The following EHMT1 variants were observed in gnomAD, a reference collection of about 807,000 sequenced individuals.
EHMT1 encodes the protein histone-lysine N-methyltransferase EHMT1.
Under a neutral mutation model 147.2 loss-of-function variants are expected in EHMT1, and 15 were observed. The ratio of observed to expected loss-of-function variants is 0.10; its 90% CI spans 0.07 to 0.16. The LOEUF is 0.16. Among genes scored for constraint, EHMT1 ranks in the 10% least tolerant of loss-of-function variants. EHMT1 has a pLI of 1.00. For synonymous variants in EHMT1, 795 were observed against 709.6 expected, an observed-to-expected ratio of 1.12 and a Z score of -1.91; for missense variants, 1,587 against 1,772.4, an observed-to-expected ratio of 0.90 and a Z score of 1.88.
At chr9:137,802,776 C>T (rs1441479706) in intron 18 of EHMT1, 3 of 1,225,980 alleles carry the variant, frequency 2.4e-6, no homozygotes, top group African/African-American at 3.1e-5. Context: ...AGTGCCTCCT[C>T]CGTGGGCTGC....
chr9:137,637,594 A>C (rs566090765), intron 1 of EHMT1: 15 of 151,244 alleles, frequency 9.9e-5, no homozygotes, highest in Non-Finnish European at 1.5e-4. Flanking sequence ...TGATCCTCCT[A>C]CTTCAGCCTC....
intron 7 of EHMT1, among the ~76,000 whole-genome samples, chr9:137,752,633 C>T (rs1324425605): frequency 6.6e-6 from 1 of 152,196 alleles, no homozygotes; most frequent in Non-Finnish European, 1.5e-5. Context: ...CACGGGGCTG[C>T]CCCAGCTGCG....
chr9:137,652,893 C>T (rs1376141166), intron 1 of EHMT1, among the ~76,000 whole-genome samples: 1 of 151,306 alleles, frequency 6.6e-6, no homozygotes, highest in Non-Finnish European at 1.5e-5. Context: ...ACCTGGCTAA[C>T]TTTTCTGTAT....
chr9:137,650,730 G>C (rs935545628), intron 1 of EHMT1: 1 of 146,860 alleles, frequency 6.8e-6, no homozygotes, highest in Non-Finnish European at 1.5e-5. Flanking sequence ...GCAGTGGGGT[G>C]ATCACAACTC....
intron 7 of EHMT1, 107 bp from the exon 8 acceptor site, chr9:137,754,064 C>A: frequency 6.4e-7 from 1 of 1,567,008 alleles, no homozygotes; most frequent in Non-Finnish European, 8.8e-7. Flanking sequence ...AATTGAAGAT[C>A]AAGACATAGC....
chr9:137,725,112 G>A (rs550493979), intron 3 of EHMT1, among the ~76,000 whole-genome samples: 55 of 146,488 alleles, frequency 3.8e-4, no homozygotes, highest in Non-Finnish European at 5.8e-4. Context: ...TGGGGCAGGC[G>A]TGTGGCATTC....
Position 137,779,754 on chromosome 9 carries a change from G to A in EHMT1, c.2275+37G>A, listed in dbSNP as rs762156489. 11 of 1,608,424 alleles carry A rather than the reference G, an allele frequency of 6.8e-6. No homozygotes were observed. The East Asian group carries it at 2.5e-4, about 36-fold the overall frequency. ...CCTGCGGCCCGGGCACATGCAGCCGGCCCTGTGGCACTGAAAGAAGCCGAG... is the reference window on the plus strand; with the variant it reads ...CCTGCGGCCCGGGCACATGCAGCCGACCCTGTGGCACTGAAAGAAGCCGAG... On this transcript the variant is annotated intron_variant, in intron 14 of 26. Transcript: ENST00000460843.
chr9:137,711,019 T>C lies in EHMT1; in HGVS notation c.74T>C (p.Leu25Pro). ...CAGGATTGCTGTGTGAAAACCGAGC[T>C]GCTGGGAGAAGGTGAGGGCGGTGTG... ...PQQDCCVKTELLGEETPMAAD... is the reference protein window; with the variant it reads ...PQQDCCVKTEPLGEETPMAAD... Residue 25 changes from leucine to proline, a missense_variant, in exon 2 of 27, where the codon CTG becomes CCG. Around this residue, in one of 7 missense-constraint regions of EHMT1, gnomAD observed 810 missense variants for 673.0 expected, o/e 1.20. Coordinates refer to ENST00000460843, the MANE Select transcript of EHMT1 (RefSeq NM_024757.5). 1 of 1,594,378 alleles carries C rather than the reference T, an allele frequency of 6.3e-7. No homozygotes were observed. Among genetic ancestry groups the C allele is most frequent in the Non-Finnish European group, 8.5e-7 (1 of 1,171,064 alleles).
In EHMT1 at chr9:137,812,991, C is replaced by A; in HGVS notation, c.2868-15C>A. 1 of 1,613,954 alleles carries A rather than the reference C, an allele frequency of 6.2e-7. No homozygotes were observed. Among genetic ancestry groups the A allele is most frequent in the Non-Finnish European group, 8.5e-7 (1 of 1,180,014 alleles). ...CAGCTTTAAATGTTTTGTGGCCTTA[C>A]ATTTTCCCTTTTAGCCTCTTTCTTT... On this transcript the variant is annotated splice_polypyrimidine_tract_variant and intron_variant, in intron 19 of 26. Coordinates refer to ENST00000460843, the MANE Select transcript of EHMT1 (RefSeq NM_024757.5).
chr9:137,632,872 C>G (rs1403784621), intron 1 of EHMT1, among the ~76,000 whole-genome samples: 2 of 152,234 alleles, frequency 1.3e-5, no homozygotes, highest in East Asian at 1.9e-4. Context: ...GCTAATGATT[C>G]TCGTCCTTGC....
In EHMT1 at chr9:137,820,979, G is replaced by A. The variant is rs368083251; in HGVS notation, c.3540+2841G>A. On this transcript the variant is annotated intron_variant, in intron 25 of 26. Coordinates refer to ENST00000460843, the MANE Select transcript of EHMT1 (RefSeq NM_024757.5). ...TGCAAGCTCCGCCTCCCAGGTTCAC[G>A]CCATTCTCCTGTCTCAGCCTCCCGA... Among the ~76,000 whole-genome samples the A allele has an allele frequency of 7.2e-5, 11 of 152,358 alleles. No individual in the cohort carries two copies. In the East Asian group the frequency reaches 7.7e-4, roughly 11 times the overall value.
intron 1 of EHMT1, among the ~76,000 whole-genome samples, chr9:137,661,082 T>C (rs1939026630): frequency 6.6e-6 from 1 of 152,248 alleles, no homozygotes; most frequent in Non-Finnish European, 1.5e-5. Flanking sequence ...ATTCTTGGTT[T>C]TGTCTATTTT....
At chr9:137,727,629 G>A (rs974277562) in intron 3 of EHMT1, among the ~76,000 whole-genome samples, 1 of 152,206 alleles carries the variant, frequency 6.6e-6, no homozygotes, top group Middle Eastern at 3.2e-3. Context: ...AGTAAAGTGT[G>A]GTTCAGTTGA....
chr9:137,655,352 C>G (rs1369039963), intron 1 of EHMT1, among the ~76,000 whole-genome samples: 1 of 152,120 alleles, frequency 6.6e-6, no homozygotes, highest in Non-Finnish European at 1.5e-5. Context: ...GGCAACCTCA[C>G]TGGTAGAGGC....
At chr9:137,721,833 C>T (rs1028523103) in intron 3 of EHMT1, among the ~76,000 whole-genome samples, 2 of 152,154 alleles carry the variant, frequency 1.3e-5, no homozygotes, top group Admixed American at 6.5e-5. Context: ...TGGTCTGAAG[C>T]TTCTCTTCTT....
chr9:137,834,442 G>A lies in EHMT1; in HGVS notation c.3634G>A (p.Val1212Met), dbSNP rs1194455426. The change falls in exon 26 of 27, where the codon GTG becomes ATG. Residue 1212 changes from valine (V) to methionine (M), a missense_variant. Around this residue, in one of 7 missense-constraint regions of EHMT1, gnomAD observed 141 missense variants for 150.8 expected, o/e 0.94. Coordinates refer to ENST00000460843, the MANE Select transcript of EHMT1 (RefSeq NM_024757.5). Reference sequence around the variant, plus strand: ...CGAGCCCAACCTGGTGCCCGTGCGCGTGTTCATGGCCCACCAGGACCTGCG... The same window carrying A: ...CGAGCCCAACCTGGTGCCCGTGCGCATGTTCATGGCCCACCAGGACCTGCG... ...HCEPNLVPVRVFMAHQDLRFP... is the reference protein window; with the variant it reads ...HCEPNLVPVRMFMAHQDLRFP... The A allele has an allele frequency of 1.2e-6, 2 of 1,613,108 alleles. No individual in the cohort carries two copies. The highest frequency in any genetic ancestry group is 1.7e-6 in the Non-Finnish European group (2 of 1,179,808).
At position 137,787,437 on chromosome 9, in the gene EHMT1, C is replaced by T. The variant is rs895332892; in HGVS notation, c.2383-3411C>T. ...CAGGCTCAGCCCTGCCTCCCACAGCCTTGCCTCTGGGTGTAGGGGAAACAG... is the reference window on the plus strand; with the variant it reads ...CAGGCTCAGCCCTGCCTCCCACAGCTTTGCCTCTGGGTGTAGGGGAAACAG... On this transcript the variant is annotated intron_variant, in intron 15 of 26. Transcript: ENST00000460843. The surrounding 1 kb of genome is among the most constrained non-coding windows in gnomAD (Gnocchi z 4.2). 1.1e-4 allele frequency among the ~76,000 whole-genome samples: 16 copies of T among 152,340 alleles called. No individual in the cohort carries two copies. Among genetic ancestry groups the T allele is most frequent in the African/African-American group, 3.6e-4 (15 of 41,578 alleles).
intron 10 of EHMT1, among the ~76,000 whole-genome samples, chr9:137,769,406 T>C (rs1193552276): frequency 6.6e-6 from 1 of 152,258 alleles, no homozygotes; most frequent in Non-Finnish European, 1.5e-5. Context: ...AACTCTTTTT[T>C]TGGTAGCACA....
At chr9:137,689,446 G>A (rs1299919557) in intron 1 of EHMT1, among the ~76,000 whole-genome samples, 2 of 152,042 alleles carry the variant, frequency 1.3e-5, no homozygotes, top group Non-Finnish European at 2.9e-5. Context: ...GGCTCATGCT[G>A]TTAATCCCAG....
Sources: gnomAD v4.1 joint callset for allele counts (sites outside exome capture counted in the v4.1 genomes callset) on GRCh38, gnomAD v4.1.1 for gene constraint, gnomAD v4.1.1 regional missense constraint, Gnocchi (gnomAD v3.1) non-coding constraint, MANE v1.5 for transcripts, NCBI Gene and HGNC (gene_info 2026-07-23, HGNC 2026-07-21) for gene names.